MYO1D: variants seen among roughly 807,000 people sequenced by gnomAD.
The protein encoded by MYO1D is unconventional myosin-Id.
MYO1D carries 83 observed loss-of-function variants against 122.0 expected under a neutral mutation model. That is an observed-to-expected ratio of 0.68 (90% CI 0.57 to 0.82). The LOEUF (loss-of-function observed/expected upper bound fraction) is 0.82, where lower values mean the gene tolerates loss of function less well. Among genes scored for constraint, MYO1D ranks in the 40% least tolerant of loss-of-function variants. MYO1D has a pLI of 0.00. For missense variants in MYO1D, 1,157 were observed against 1,269.5 expected, an observed-to-expected ratio of 0.91 and a Z score of 1.35; for synonymous variants, 464 against 446.9, an observed-to-expected ratio of 1.04 and a Z score of -0.48.
At chr17:32,665,635 T>C (rs954928497) in intron 16 of MYO1D, among the ~76,000 whole-genome samples, 1 of 152,226 alleles carries the variant, frequency 6.6e-6, no homozygotes, top group African/African-American at 2.4e-5. Flanking sequence ...TTTTGCACTG[T>C]TCCTTGTATT....
chr17:32,780,704 C>A lies in MYO1D; in HGVS notation c.176G>T (p.Gly59Val). 1 of 1,614,102 alleles carries A rather than the reference C, an allele frequency of 6.2e-7. No individual in the cohort carries two copies. The highest frequency in any genetic ancestry group is 8.5e-7 in the Non-Finnish European group (1 of 1,180,022). The change falls in exon 2 of 22, where the codon GGA becomes GTA. Residue 59 changes from glycine (G) to valine (V), a missense_variant. Transcript: ENST00000318217. ...TTTATACTGCTCAATTGTGTCTCTT[C>A]CATAGATGTTCAACAACTTGTAAGG... Reference protein sequence around the residue: ...VNPYKLLNIYGRDTIEQYKGR... With the variant: ...VNPYKLLNIYVRDTIEQYKGR...
At position 32,624,174 on chromosome 17, in the gene MYO1D, T is replaced by C. The variant is rs148728181; in HGVS notation, c.2709+14548A>G. The stretch of plus-strand genomic sequence containing the variant: ...TAAGTGGTTCTCATCTCTGGCTGCA[T>C]AGTGCAGTCACCTAGGAAGCTTTAT... On this transcript the variant is annotated intron_variant, in intron 20 of 21. Coordinates refer to ENST00000318217, the MANE Select transcript of MYO1D (RefSeq NM_015194.3). Among the ~76,000 whole-genome samples, 201 of 152,028 alleles carry C rather than the reference T, an allele frequency of 1.3e-3. 3 individuals are homozygous for C. Among genetic ancestry groups the C allele is most frequent in the African/African-American group, 4.7e-3 (194 of 41,492 alleles).
At chr17:32,831,327 G>A (rs1357659240) in intron 1 of MYO1D, among the ~76,000 whole-genome samples, 3 of 152,138 alleles carry the variant, frequency 2.0e-5, no homozygotes, top group Non-Finnish European at 4.4e-5. Flanking sequence ...CTTAGATCAC[G>A]CTGAGTTTTT....
At chr17:32,572,274 T>C (rs1419812466) in intron 21 of MYO1D, among the ~76,000 whole-genome samples, 1 of 152,092 alleles carries the variant, frequency 6.6e-6, no homozygotes, top group Non-Finnish European at 1.5e-5. Flanking sequence ...CACCAGAGGC[T>C]GAGGCTGCTT....
intron 1 of MYO1D, among the ~76,000 whole-genome samples, chr17:32,790,258 C>A (rs1567643847): frequency 6.6e-6 from 1 of 152,194 alleles, no homozygotes; most frequent in Non-Finnish European, 1.5e-5. Context: ...TAAATCTTTT[C>A]AATGGGAAAC....
intron 14 of MYO1D, among the ~76,000 whole-genome samples, chr17:32,723,529 GTC>G (rs2089536755): frequency 6.6e-6 from 1 of 152,012 alleles, no homozygotes; most frequent in Non-Finnish European, 1.5e-5. Flanking sequence ...AAGAGGTGGA[GTC>G]TCTACACCAC....
At chr17:32,494,944 A>T (rs554732762) in intron 21 of MYO1D, 29 bp from the exon 22 acceptor site, 1 of 1,571,670 alleles carries the variant, frequency 6.4e-7, no homozygotes, top group Non-Finnish European at 8.7e-7. Flanking sequence ...CCAGACGGGC[A>T]GTTAGCAGGC....
At chr17:32,794,631 A>C (rs2090393871) in intron 1 of MYO1D, among the ~76,000 whole-genome samples, 2 of 151,986 alleles carry the variant, frequency 1.3e-5, no homozygotes, top group South Asian at 4.2e-4. Context: ...ACAGACACTA[A>C]ATGGAGGTCC....
intron 16 of MYO1D, among the ~76,000 whole-genome samples, chr17:32,677,105 C>A (rs112833971): frequency 0.013 from 1,997 of 152,228 alleles, 23 homozygotes; most frequent in Middle Eastern, 0.017. Context: ...CCACCGTGCC[C>A]GGCCAGAAGT....
intron 20 of MYO1D, among the ~76,000 whole-genome samples, chr17:32,623,826 A>T (rs1477746692): frequency 6.6e-6 from 1 of 152,160 alleles, no homozygotes; most frequent in East Asian, 1.9e-4. Flanking sequence ...AACTTCTCGT[A>T]GTGTCCTCAC....
At chr17:32,678,303 A>C (rs2088853850) in intron 16 of MYO1D, among the ~76,000 whole-genome samples, 1 of 150,214 alleles carries the variant, frequency 6.7e-6, no homozygotes, top group Admixed American at 6.6e-5. Context: ...ACATGTGCAC[A>C]TTGTGCAGGT....
In MYO1D at chr17:32,812,027, C is replaced by T. The variant is rs961419467; in HGVS notation, c.96-31243G>A. Among the ~76,000 whole-genome samples, 8 of 152,194 alleles carry T rather than the reference C, an allele frequency of 5.3e-5. No homozygotes were observed. The East Asian group carries it at 1.5e-3, about 29-fold the overall frequency. Reference sequence around the variant, plus strand: ...ACTTCTTGTTATGGGAGAGAAATAACTTTCCTTGTAGTTTGTCACTTTTAT... The same window carrying T: ...ACTTCTTGTTATGGGAGAGAAATAATTTTCCTTGTAGTTTGTCACTTTTAT... On this transcript the variant is annotated intron_variant, in intron 1 of 21. Coordinates refer to ENST00000318217, the MANE Select transcript of MYO1D (RefSeq NM_015194.3).
intron 21 of MYO1D, among the ~76,000 whole-genome samples, chr17:32,573,851 T>G (rs1371736167): frequency 6.6e-6 from 1 of 151,866 alleles, no homozygotes; most frequent in Non-Finnish European, 1.5e-5. Flanking sequence ...CCCTTGTTTA[T>G]TTTTTATTAT....
chr17:32,642,507 T>A (rs920965589), intron 19 of MYO1D, among the ~76,000 whole-genome samples: 16 of 152,228 alleles, frequency 1.1e-4, no homozygotes, highest in African/African-American at 3.9e-4. Flanking sequence ...ACTGAATCTA[T>A]AAATTACCTT....
At chr17:32,845,703 A>T (rs1336351323) in intron 1 of MYO1D, among the ~76,000 whole-genome samples, 4 of 152,166 alleles carry the variant, frequency 2.6e-5, no homozygotes, top group African/African-American at 9.7e-5. Flanking sequence ...GCAGTTCCTC[A>T]GTTGCACTGG....
chr17:32,783,459 CAGAA>C lies in MYO1D; in HGVS notation c.96-2679_96-2676del, dbSNP rs1315491060. ...GACCCAGCTATTTGAGATGCTGAGG[CAGAA>C]GGATCACTTGAGCCCAGGAGTTTGG... On this transcript the variant is annotated intron_variant, in intron 1 of 21. Transcript: ENST00000318217. Among the ~76,000 whole-genome samples the C allele has an allele frequency of 2.0e-5, 3 of 152,138 alleles. No individual in the cohort carries two copies. In the East Asian group the frequency reaches 5.8e-4, roughly 29 times the overall value.
At chr17:32,851,584 C>T (rs748770069) in intron 1 of MYO1D, among the ~76,000 whole-genome samples, 7 of 152,220 alleles carry the variant, frequency 4.6e-5, no homozygotes, top group Non-Finnish European at 1.0e-4. Flanking sequence ...CTCCTCCATT[C>T]TTTGCTTCTG....
intron 21 of MYO1D, among the ~76,000 whole-genome samples, chr17:32,522,147 C>A (rs928571283): frequency 1.3e-5 from 2 of 148,760 alleles, no homozygotes; most frequent in East Asian, 2.0e-4. Flanking sequence ...ATATTCAGGT[C>A]GAATAAAATT....
chr17:32,747,320 C>A (rs2089848142), intron 12 of MYO1D, among the ~76,000 whole-genome samples: 1 of 151,992 alleles, frequency 6.6e-6, no homozygotes, highest in Non-Finnish European at 1.5e-5. Flanking sequence ...AAAAAGAGTT[C>A]TTTAAACAAT....
Sources: allele counts gnomAD v4.1 joint callset (sites outside exome capture counted in the v4.1 genomes callset), GRCh38; gene constraint gnomAD v4.1.1; transcripts MANE v1.5; gene names NCBI Gene and HGNC (gene_info 2026-07-23, HGNC 2026-07-21).